GABRG3: variants seen among roughly 807,000 people sequenced by gnomAD.
GABRG3 encodes gamma-aminobutyric acid receptor subunit gamma-3.
A neutral mutation model predicts 48.8 loss-of-function variants in GABRG3; 25 were observed. The ratio of observed to expected loss-of-function variants is 0.51; its 90% CI spans 0.37 to 0.72. GABRG3 has a LOEUF of 0.72. Ranked by LOEUF, GABRG3 falls within the 30% of genes least tolerant of loss-of-function variation. The pLI is 0.00. For synonymous variants in GABRG3, 227 were observed against 217.6 expected (o/e 1.04, Z -0.38); for missense variants, 394 against 577.9 (o/e 0.68, Z 3.26).
chr15:27,162,280 G>A (rs1193617641), intron 3 of GABRG3, among the ~76,000 whole-genome samples: 1 of 152,202 alleles, frequency 6.6e-6, no homozygotes, highest in Admixed American at 6.5e-5. Flanking sequence ...CACGCTGAGT[G>A]TAGCATTTGG....
intron 3 of GABRG3, among the ~76,000 whole-genome samples, chr15:27,175,459 C>A (rs895180721): frequency 2.6e-5 from 4 of 152,204 alleles, no homozygotes; most frequent in African/African-American, 9.6e-5. Context: ...CTAAATATAT[C>A]ATCCATAGGT....
chr15:27,145,021 A>G (rs1898172336), intron 3 of GABRG3, among the ~76,000 whole-genome samples: 1 of 152,198 alleles, frequency 6.6e-6, no homozygotes, highest in African/African-American at 2.4e-5. Flanking sequence ...AGGAACAACA[A>G]ACTCTGGGAG....
chr15:27,374,572 T>A (rs1895529437), intron 5 of GABRG3, among the ~76,000 whole-genome samples: 2 of 152,212 alleles, frequency 1.3e-5, no homozygotes, highest in African/African-American at 4.8e-5. Context: ...GCATTTCTAT[T>A]GTTTAAGTGT....
At position 27,247,086 on chromosome 15, in the gene GABRG3, G is replaced by A. The variant is rs562450167; in HGVS notation, c.271-79723G>A. Among the ~76,000 whole-genome samples the A allele has an allele frequency of 9.2e-5, 14 of 152,240 alleles. No individual in the cohort carries two copies. In the East Asian group the frequency reaches 2.7e-3, roughly 29 times the overall value. On this transcript the variant is annotated intron_variant, in intron 3 of 9. Coordinates refer to ENST00000615808, the MANE Select transcript of GABRG3 (RefSeq NM_033223.5). ...CCCGAGTAACTGGGACTGCAGGTGT[G>A]CACCACCATGCTGAGCTAATTTTTA...
At chr15:27,252,795 AG>A (rs1484784068) in intron 3 of GABRG3, among the ~76,000 whole-genome samples, 1 of 152,234 alleles carries the variant, frequency 6.6e-6, no homozygotes, top group African/African-American at 2.4e-5. Context: ...AGGATCCAAA[AG>A]GTCCGTGTCT....
Position 27,533,430 on chromosome 15 carries a change from C to T in GABRG3, c.*549C>T, listed in dbSNP as rs1359962942. 1 of 153,788 alleles carries T rather than the reference C, an allele frequency of 6.5e-6. No homozygotes were observed. Among genetic ancestry groups the T allele is most frequent in the Non-Finnish European group, 1.4e-5 (1 of 69,264 alleles). The allele number at this position is 153,788 out of a possible 1,614,324, so 9.5% of individuals were successfully genotyped here. On this transcript the variant is annotated 3_prime_UTR_variant, in exon 10 of 10. Coordinates refer to ENST00000615808, the MANE Select transcript of GABRG3 (RefSeq NM_033223.5). ...GCCTCTCTGGCTCCAGCACCATCAT[C>T]GTTAGCTGGCACTCCTTTACCTAAT...
chr15:27,163,916 G>A (rs745742157), intron 3 of GABRG3, among the ~76,000 whole-genome samples: 1 of 152,208 alleles, frequency 6.6e-6, no homozygotes, highest in African/African-American at 2.4e-5. Context: ...GGCTGTGAGA[G>A]CCTGTGAGGG....
intron 3 of GABRG3, among the ~76,000 whole-genome samples, chr15:27,133,368 C>G (rs1398094418): frequency 1.3e-5 from 2 of 152,116 alleles, no homozygotes; most frequent in Non-Finnish European, 2.9e-5. Flanking sequence ...CTTTTCTAAT[C>G]AGTTATGTAT....
intron 5 of GABRG3, among the ~76,000 whole-genome samples, chr15:27,463,916 G>A (rs772302242): frequency 1.3e-5 from 2 of 152,022 alleles, no homozygotes; most frequent in South Asian, 2.1e-4. Context: ...GCAAACCCAC[G>A]TGCCCCTCCC....
At chr15:27,107,050 T>C (rs1009565126) in intron 3 of GABRG3, among the ~76,000 whole-genome samples, 9 of 152,056 alleles carry the variant, frequency 5.9e-5, no homozygotes, top group African/African-American at 1.7e-4. Flanking sequence ...CAGTAAGATA[T>C]TGGAGAGAGG....
chr15:27,276,650 T>A (rs1384430917), intron 3 of GABRG3, among the ~76,000 whole-genome samples: 1 of 152,156 alleles, frequency 6.6e-6, no homozygotes, highest in Non-Finnish European at 1.5e-5. Context: ...TAAGGAATTT[T>A]GTTTTATAGT....
chr15:27,201,862 T>G (rs1016083789), intron 3 of GABRG3, among the ~76,000 whole-genome samples: 1 of 152,220 alleles, frequency 6.6e-6, no homozygotes, highest in Non-Finnish European at 1.5e-5. Flanking sequence ...TAAACTAAAT[T>G]GAATGGCAGA....
chr15:27,368,908 C>T (rs958754775), intron 5 of GABRG3, among the ~76,000 whole-genome samples: 1 of 152,100 alleles, frequency 6.6e-6, no homozygotes, highest in South Asian at 2.1e-4. Flanking sequence ...AGCTCCAAGT[C>T]GAAGGAACCC....
intron 2 of GABRG3, among the ~76,000 whole-genome samples, chr15:27,015,161 A>G (rs1895754900): frequency 6.6e-6 from 1 of 152,168 alleles, no homozygotes; most frequent in Non-Finnish European, 1.5e-5. Context: ...GTATGTCCTT[A>G]GATCTAAAGT....
intron 3 of GABRG3, among the ~76,000 whole-genome samples, chr15:27,061,228 G>A (rs1896638625): frequency 6.6e-6 from 1 of 152,210 alleles, no homozygotes; most frequent in Non-Finnish European, 1.5e-5. Context: ...CCATGGCCGT[G>A]TTCATCAGGC....
chr15:27,063,173 A>G (rs1328588277), intron 3 of GABRG3, among the ~76,000 whole-genome samples: 1 of 152,226 alleles, frequency 6.6e-6, no homozygotes, highest in Non-Finnish European at 1.5e-5. Flanking sequence ...CCATGACAAA[A>G]GTGGAAAGCA....
At chr15:27,374,636 G>A (rs779316782) in intron 5 of GABRG3, among the ~76,000 whole-genome samples, 16 of 152,144 alleles carry the variant, frequency 1.1e-4, no homozygotes, top group Non-Finnish European at 2.1e-4. Flanking sequence ...TAGTGTATCT[G>A]GGAGGTGACC....
In GABRG3 at chr15:26,976,282, G is replaced by A. The variant is rs1894942671; in HGVS notation, c.54-720G>A. On this transcript the variant is annotated intron_variant, in intron 1 of 9. Transcript: ENST00000615808. This position sits in a 1 kb window ranked among gnomAD's most constrained non-coding sequence, Gnocchi z 7.8. ...TTCACTGAGACTCATTTACTAAGAA[G>A]TCAGAATGTTGAAGACTTATTAGAA... 6.6e-6 allele frequency among the ~76,000 whole-genome samples: 1 copy of A among 152,196 alleles called. No homozygotes were observed. The highest frequency in any genetic ancestry group is 6.5e-5 in the Admixed American group (1 of 15,270).
chr15:27,145,704 A>G (rs1269134752), intron 3 of GABRG3, among the ~76,000 whole-genome samples: 1 of 134,218 alleles, frequency 7.5e-6, no homozygotes, highest in African/African-American at 2.6e-5. Context: ...TTAATATTTG[A>G]AAAAATAATG....
Sources: gnomAD v4.1 joint callset for allele counts (sites outside exome capture counted in the v4.1 genomes callset) on GRCh38, gnomAD v4.1.1 for gene constraint, Gnocchi (gnomAD v3.1) non-coding constraint, MANE v1.5 for transcripts, NCBI Gene and HGNC (gene_info 2026-07-23, HGNC 2026-07-21) for gene names.